Variants in RNF220 observed in about 807,000 individuals in gnomAD.
RNF220 encodes E3 ubiquitin-protein ligase RNF220.
Under a neutral mutation model 67.1 loss-of-function variants are expected in RNF220, and 7 were observed. That is an observed-to-expected ratio of 0.10 (90% CI 0.06 to 0.20). The LOEUF is 0.20. RNF220 is among the 10% of genes least tolerant of loss of function. The pLI is 1.00. For missense variants in RNF220, 565 were observed against 740.3 expected, an observed-to-expected ratio of 0.76 and a Z score of 2.75; for synonymous variants, 270 against 283.2, an observed-to-expected ratio of 0.95 and a Z score of 0.47.
chr1:44,449,036 G>T (rs924875701), intron 2 of RNF220, among the ~76,000 whole-genome samples: 1 of 152,158 alleles, frequency 6.6e-6, no homozygotes. Flanking sequence ...TGAATCTTCC[G>T]TCAGCACCTC....
In RNF220 at chr1:44,621,105, G is replaced by C. The variant is rs879851637; in HGVS notation, c.759-1637G>C. Among the ~76,000 whole-genome samples the C allele has an allele frequency of 3.5e-4, 53 of 152,016 alleles. No homozygotes were observed. Among genetic ancestry groups the C allele is most frequent in the Non-Finnish European group, 7.4e-4 (50 of 67,980 alleles). On this transcript the variant is annotated intron_variant, in intron 3 of 14. Coordinates refer to ENST00000361799, the MANE Select transcript of RNF220 (RefSeq NM_018150.4). This position sits in a 1 kb window ranked among gnomAD's most constrained non-coding sequence, Gnocchi z 4.8. ...TAATTTTTGTATTTTTAGTAGAGACGGGGTTTCACCATGTTGGCCAGGCTG... is the reference window on the plus strand; with the variant it reads ...TAATTTTTGTATTTTTAGTAGAGACCGGGTTTCACCATGTTGGCCAGGCTG...
intron 8 of RNF220, among the ~76,000 whole-genome samples, chr1:44,642,377 C>A (rs1337053042): frequency 2.0e-5 from 3 of 152,202 alleles, no homozygotes; most frequent in African/African-American, 4.8e-5. Context: ...GGTGAGAGTT[C>A]TTTCCTTTAG....
chr1:44,520,732 C>A (rs1659867188), intron 2 of RNF220, among the ~76,000 whole-genome samples: 1 of 152,192 alleles, frequency 6.6e-6, no homozygotes, highest in Non-Finnish European at 1.5e-5. Context: ...TCCTGTTTTT[C>A]TCATCTGTTT....
At chr1:44,634,534 C>T (rs1420518849) in intron 6 of RNF220, among the ~76,000 whole-genome samples, 1 of 152,138 alleles carries the variant, frequency 6.6e-6, no homozygotes, top group African/African-American at 2.4e-5. Context: ...TCTTCCTGGC[C>T]CTGCTTTGGG....
At chr1:44,634,924 A>G (rs1394389146) in intron 6 of RNF220, among the ~76,000 whole-genome samples, 2 of 152,040 alleles carry the variant, frequency 1.3e-5, no homozygotes, top group African/African-American at 4.8e-5. Context: ...GAGCCTTCTG[A>G]CCTGGCTGCC....
At chr1:44,617,815 G>T (rs1643624912) in intron 3 of RNF220, among the ~76,000 whole-genome samples, 1 of 152,142 alleles carries the variant, frequency 6.6e-6, no homozygotes, top group Non-Finnish European at 1.5e-5. Flanking sequence ...CATCAGGGCA[G>T]TTCCATCCAC....
chr1:44,539,993 T>C (rs1418333639), intron 2 of RNF220, among the ~76,000 whole-genome samples: 4 of 152,254 alleles, frequency 2.6e-5, no homozygotes, highest in Non-Finnish European at 5.9e-5. Context: ...GCCAGCTCTC[T>C]TTGAGGGCCT....
At position 44,651,709 on chromosome 1, in the gene RNF220, C is replaced by T. The variant is rs1465181113; in HGVS notation, c.*934C>T. On this transcript the variant is annotated 3_prime_UTR_variant, in exon 15 of 15. Coordinates refer to ENST00000361799, the MANE Select transcript of RNF220 (RefSeq NM_018150.4). The stretch of plus-strand genomic sequence containing the variant: ...TAAACTACATTTGACATGGATTAAA[C>T]CAGTATAAACAGTTGCTGCCTGTGT... The T allele has an allele frequency of 6.6e-6, 1 of 152,338 alleles. No individual in the cohort carries two copies. The highest frequency in any genetic ancestry group is 1.5e-5 in the Non-Finnish European group (1 of 68,200). 9.4% of individuals were successfully genotyped at this position (152,338 alleles called of 1,614,324 possible).
chr1:44,537,431 C>A (rs990272131), intron 2 of RNF220, among the ~76,000 whole-genome samples: 1 of 151,934 alleles, frequency 6.6e-6, no homozygotes, highest in Non-Finnish European at 1.5e-5. Context: ...GCCATGAACA[C>A]CTTCTACAAA....
intron 2 of RNF220, among the ~76,000 whole-genome samples, chr1:44,426,387 A>G (rs1358299963): frequency 6.6e-6 from 1 of 152,236 alleles, no homozygotes; most frequent in Admixed American, 6.5e-5. Context: ...AGATCTTTAG[A>G]AGTTAAAGCT....
Position 44,626,352 on chromosome 1 carries a change from C to T in RNF220, c.860C>T (p.Pro287Leu). 6.2e-7 allele frequency: 1 copy of T among 1,613,488 alleles called. No homozygotes were observed. The highest frequency in any genetic ancestry group is 8.5e-7 in the Non-Finnish European group (1 of 1,179,818). ...GAAGGAGAGTCTCCAACGGCATCACCCCACTCATCTGCCACCGATGACCTC... is the reference window on the plus strand; with the variant it reads ...GAAGGAGAGTCTCCAACGGCATCACTCCACTCATCTGCCACCGATGACCTC... ...KREGESPTAS[P>L]HSSATDDLHH... The change falls in exon 5 of 15, where the codon CCC becomes CTC. Residue 287 changes from proline to leucine, a missense_variant. Pro to Leu is a moderately conservative substitution (Grantham distance 98). Coordinates refer to ENST00000361799, the MANE Select transcript of RNF220 (RefSeq NM_018150.4).
chr1:44,545,268 G>T (rs12128659), intron 2 of RNF220, among the ~76,000 whole-genome samples: 33,231 of 152,182 alleles, frequency 0.22, 4,702 homozygotes, highest in Non-Finnish European at 0.32. Flanking sequence ...CGGTTGGAGG[G>T]AGGGCAGTTT....
At chr1:44,596,486 C>T (rs1176476893) in intron 2 of RNF220, among the ~76,000 whole-genome samples, 7 of 134,238 alleles carry the variant, frequency 5.2e-5, no homozygotes, top group Admixed American at 1.5e-4. Context: ...CACTTGAACT[C>T]GAGAGGCGGA....
chr1:44,449,776 C>T (rs1281338921), intron 2 of RNF220, among the ~76,000 whole-genome samples: 2 of 152,184 alleles, frequency 1.3e-5, no homozygotes, highest in African/African-American at 4.8e-5. Context: ...GTGACATCTA[C>T]CGAATACCTA....
chr1:44,440,481 A>G (rs551990280), intron 2 of RNF220, among the ~76,000 whole-genome samples: 3 of 152,352 alleles, frequency 2.0e-5, no homozygotes, highest in Admixed American at 1.3e-4. Flanking sequence ...TTACAGAGAA[A>G]GTAAAGAGGA....
Position 44,412,880 on chromosome 1 carries a change from T to C in RNF220, c.625+158T>C, listed in dbSNP as rs1374459520. 7.2e-5 allele frequency among the ~76,000 whole-genome samples: 11 copies of C among 152,176 alleles called. No individual in the cohort carries two copies. On this transcript the variant is annotated intron_variant, in intron 2 of 14. Coordinates refer to ENST00000361799, the MANE Select transcript of RNF220 (RefSeq NM_018150.4). This position sits in a 1 kb window ranked among gnomAD's most constrained non-coding sequence, Gnocchi z 5.3. ...AGTGCTAACCTTTGCTTGTCTCTTATCAGTGAGCACTGATAGTTCTTGAAA... is the reference window on the plus strand; with the variant it reads ...AGTGCTAACCTTTGCTTGTCTCTTACCAGTGAGCACTGATAGTTCTTGAAA...
chr1:44,463,241 A>C (rs957789944), intron 2 of RNF220, among the ~76,000 whole-genome samples: 11 of 152,122 alleles, frequency 7.2e-5, no homozygotes, highest in African/African-American at 2.7e-4. Context: ...AGGCTGAGGC[A>C]GAAGAATCGT....
intron 2 of RNF220, among the ~76,000 whole-genome samples, chr1:44,572,270 C>T (rs1411436590): frequency 1.3e-5 from 2 of 152,202 alleles, no homozygotes; most frequent in Non-Finnish European, 2.9e-5. Context: ...TGGCAGAAAT[C>T]ATCTCATTCA....
chr1:44,522,928 C>T (rs1660055472), intron 2 of RNF220, among the ~76,000 whole-genome samples: 1 of 152,200 alleles, frequency 6.6e-6, no homozygotes, highest in Non-Finnish European at 1.5e-5. Flanking sequence ...AGCGTGCTAC[C>T]CACACTGGCC....
Sources: gnomAD v4.1 joint callset for allele counts (sites outside exome capture counted in the v4.1 genomes callset) on GRCh38, gnomAD v4.1.1 for gene constraint, Gnocchi (gnomAD v3.1) non-coding constraint, MANE v1.5 for transcripts, NCBI Gene and HGNC (gene_info 2026-07-23, HGNC 2026-07-21) for gene names.